TPT1: variants seen among roughly 807,000 people sequenced by gnomAD.
The protein encoded by TPT1 is tumor protein, translationally-controlled 1, also known as translationally-controlled tumor protein.
A neutral mutation model predicts 22.8 loss-of-function variants in TPT1; 5 were observed. That is an observed-to-expected ratio of 0.22 (90% CI 0.11 to 0.46). TPT1 has a LOEUF of 0.46. Among genes scored for constraint, TPT1 ranks in the 20% least tolerant of loss-of-function variants. TPT1 has a pLI of 0.99. For synonymous variants in TPT1, 89 were observed against 73.6 expected (o/e 1.21, Z -1.07); for missense variants, 130 against 218.7 (o/e 0.59, Z 2.56).
At position 45,334,880 on chromosome 13, in the gene TPT1, A is replaced by C. The variant is rs1878574705; in HGVS notation, c.*2506T>G. ...AAAGTGGCCACTTTTTTCCCAGAAC[A>C]CATCACACTCCAGACTAACTGCTGT... On this transcript the variant is annotated 3_prime_UTR_variant, in exon 6 of 6. Transcript: ENST00000530705. The C allele has an allele frequency of 6.6e-6, 1 of 152,092 alleles. No individual in the cohort carries two copies. 9.4% of individuals were successfully genotyped at this position (152,092 alleles called of 1,614,324 possible).
chr13:45,337,218 T>G lies in TPT1; in HGVS notation c.*168A>C. ...TTATTTTTAGACAACCTACATGACA[T>G]GTTTTTCTTAAAAACAATGCCTCCA... On this transcript the variant is annotated 3_prime_UTR_variant, in exon 6 of 6. Transcript: ENST00000530705. 1 of 681,332 alleles carries G rather than the reference T, an allele frequency of 1.5e-6. No individual in the cohort carries two copies. Among genetic ancestry groups the G allele is most frequent in the Non-Finnish European group, 2.5e-6 (1 of 393,524 alleles). 42.2% of individuals were successfully genotyped at this position (681,332 alleles called of 1,614,324 possible).
Position 45,337,185 on chromosome 13 carries a change from A to C in TPT1, c.*201T>G, listed in dbSNP as rs1878756698. On this transcript the variant is annotated 3_prime_UTR_variant, in exon 6 of 6. Coordinates refer to ENST00000530705, the MANE Select transcript of TPT1 (RefSeq NM_003295.4). ...AAAGGCATTCTCTCAAATGAGTTTA[A>C]ATGCATTTTATTTTTAGACAACCTA... is the stretch of plus-strand genomic sequence containing the variant. 1 of 619,266 alleles carries C rather than the reference A, an allele frequency of 1.6e-6. No homozygotes were observed. The highest frequency in any genetic ancestry group is 1.9e-5 in the African/African-American group (1 of 54,038). The allele number at this position is 619,266 out of a possible 1,614,324, so 38.4% of individuals were successfully genotyped here.
chr13:45,340,048 T>G lies in TPT1; in HGVS notation c.239A>C (p.Glu80Ala). Residue 80 changes from glutamate (E) to alanine (A), a missense_variant, in exon 3 of 6, where the codon GAA becomes GCA. Coordinates refer to ENST00000530705, the MANE Select transcript of TPT1 (RefSeq NM_003295.4). ...VDIVMNHHLQETSFTKEAYKK... is the reference protein window; with the variant it reads ...VDIVMNHHLQATSFTKEAYKK... Reference sequence around the variant, plus strand: ...GTAGGCTTCTTTTGTGAAACTTGTTTCCTGCAGGTGATGGTTCATGACAAT... The same window carrying G: ...GTAGGCTTCTTTTGTGAAACTTGTTGCCTGCAGGTGATGGTTCATGACAAT... 6.2e-7 allele frequency: 1 copy of G among 1,614,222 alleles called. No homozygotes were observed. Among genetic ancestry groups the G allele is most frequent in the Non-Finnish European group, 8.5e-7 (1 of 1,180,044 alleles).
intron 2 of TPT1, chr13:45,340,435 T>C (rs1879017962): frequency 5.4e-6 from 4 of 741,380 alleles, no homozygotes; most frequent in Non-Finnish European, 9.5e-6. Context: ...TGCCTCCGGT[T>C]GGTAAGTGGG....
Position 45,341,159 on chromosome 13 carries a change from G to T in TPT1, c.-90C>A, listed in dbSNP as rs1054320395. The stretch of plus-strand genomic sequence containing the variant: ...GCGGTGCAGCCGGAGCGGCGCTCGG[G>T]GGGAGGGGGGAGCGGGCGGAAAAGG... On this transcript the variant is annotated 5_prime_UTR_variant, in exon 1 of 6. Coordinates refer to ENST00000530705, the MANE Select transcript of TPT1 (RefSeq NM_003295.4). The T allele has an allele frequency of 1.3e-5, 21 of 1,559,932 alleles. No homozygotes were observed. Among genetic ancestry groups the T allele is most frequent in the African/African-American group, 1.4e-5 (1 of 73,382 alleles).
Position 45,338,920 on chromosome 13 carries a change from T to C in TPT1, c.400-144A>G, listed in dbSNP as rs1210172173. The C allele has an allele frequency of 1.1e-5, 7 of 632,324 alleles. No individual in the cohort carries two copies. In the Admixed American group the frequency reaches 2.1e-4, roughly 19 times the overall value. The allele number at this position is 632,324 out of a possible 1,614,324, so 39.2% of individuals were successfully genotyped here. A position where few individuals can be genotyped will look rare whatever the true frequency, so the allele number is the denominator to read the frequency against. On this transcript the variant is annotated intron_variant, in intron 4 of 5. Coordinates refer to ENST00000530705, the MANE Select transcript of TPT1 (RefSeq NM_003295.4). ...CAAAAGCTCTGATGCTCACTTATCA[T>C]AGACATCTGTTCACTGGATTAAGGC...
chr13:45,339,685 AAAAAG>A, intron 3 of TPT1, 83 bp from the exon 4 acceptor site: 1 of 1,353,252 alleles, frequency 7.4e-7, no homozygotes. Flanking sequence ...CCAAGCTTAA[AAAAAG>A]AAAACACTGA....
Position 45,341,109 on chromosome 13 carries a change from C to T in TPT1, c.-40G>A. The T allele has an allele frequency of 1.9e-6, 3 of 1,610,416 alleles. No homozygotes were observed. Among genetic ancestry groups the T allele is most frequent in the Non-Finnish European group, 2.5e-6 (3 of 1,178,304 alleles). Reference sequence around the variant, plus strand: ...GGAGACGACGACGGCGCTAGCTTAGCACGAGCCTGAAACTCGGAGCGAGCG... The same window carrying T: ...GGAGACGACGACGGCGCTAGCTTAGTACGAGCCTGAAACTCGGAGCGAGCG... On this transcript the variant is annotated 5_prime_UTR_variant, in exon 1 of 6. Transcript: ENST00000530705.
chr13:45,337,491 C>T (rs749831593), intron 5 of TPT1, 103 bp from the exon 6 acceptor site: 6 of 1,614,092 alleles, frequency 3.7e-6, no homozygotes, highest in Non-Finnish European at 5.1e-6. Flanking sequence ...GATGTATTCC[C>T]CAATTCAATC....
At chr13:45,338,807 G>A in intron 4 of TPT1, 31 bp from the exon 5 acceptor site, 22 of 1,533,256 alleles carry the variant, frequency 1.4e-5, no homozygotes, top group Non-Finnish European at 1.9e-5. Context: ...CCTAGAATTA[G>A]ACTATTACAT....
chr13:45,337,667 C>A, intron 5 of TPT1: 1 of 1,052,182 alleles, frequency 9.5e-7, no homozygotes, highest in Non-Finnish European at 1.5e-6. Flanking sequence ...CATGTACCAC[C>A]CACACCCTGC....
At position 45,335,672 on chromosome 13, in the gene TPT1, T is replaced by C. The variant is rs574211304; in HGVS notation, c.*1714A>G. Reference sequence around the variant, plus strand: ...GCCTCACACCTGTAATCCCAACACTTTAGAAGGCCAAAGCTTGAGATCACT... The same window carrying C: ...GCCTCACACCTGTAATCCCAACACTCTAGAAGGCCAAAGCTTGAGATCACT... On this transcript the variant is annotated 3_prime_UTR_variant, in exon 6 of 6. Transcript: ENST00000530705. 1 of 152,278 alleles carries C rather than the reference T, an allele frequency of 6.6e-6. No individual in the cohort carries two copies. Among genetic ancestry groups the C allele is most frequent in the South Asian group, 2.1e-4 (1 of 4,818 alleles). The allele number at this position is 152,278 out of a possible 1,614,324, so 9.4% of individuals were successfully genotyped here. A position where few individuals can be genotyped will look rare whatever the true frequency, so the allele number is the denominator to read the frequency against.
Position 45,336,394 on chromosome 13 carries a change from G to C in TPT1, c.*992C>G, listed in dbSNP as rs1353847536. ...AGGACATGTTCTTCTTGCATCTGTG[G>C]TGGAAACCATAGCAGCAGATAGCAA... On this transcript the variant is annotated 3_prime_UTR_variant, in exon 6 of 6. Transcript: ENST00000530705. 2 of 152,324 alleles carry C rather than the reference G, an allele frequency of 1.3e-5. No homozygotes were observed. Among genetic ancestry groups the C allele is most frequent in the East Asian group, 3.9e-4 (2 of 5,186 alleles). 9.4% of individuals were successfully genotyped at this position (152,324 alleles called of 1,614,324 possible). A position where few individuals can be genotyped will look rare whatever the true frequency, so the allele number is the denominator to read the frequency against.
In TPT1 at chr13:45,341,169, G is replaced by C. The variant is rs545531097; in HGVS notation, c.-100C>G. ...CGGAGCGGCGCTCGGGGGGAGGGGG[G>C]AGCGGGCGGAAAAGGCCGACTCAGC... On this transcript the variant is annotated 5_prime_UTR_variant, in exon 1 of 6. Coordinates refer to ENST00000530705, the MANE Select transcript of TPT1 (RefSeq NM_003295.4). 2 of 1,533,266 alleles carry C rather than the reference G, an allele frequency of 1.3e-6. No individual in the cohort carries two copies. Among genetic ancestry groups the C allele is most frequent in the South Asian group, 1.2e-5 (1 of 85,950 alleles). 95.0% of individuals were successfully genotyped at this position (1,533,266 alleles called of 1,614,324 possible).
chr13:45,340,981 GC>G, intron 1 of TPT1, 60 bp downstream of exon 1: 1 of 1,472,502 alleles, frequency 6.8e-7, no homozygotes, highest in African/African-American at 1.4e-5. Context: ...CGCCTTCCCC[GC>G]CCCCACCCGC....
chr13:45,340,999 G>C (rs1445973101), intron 1 of TPT1, 43 bp downstream of exon 1: 1 of 1,598,488 alleles, frequency 6.3e-7, no homozygotes, highest in Admixed American at 1.7e-5. Flanking sequence ...CCGCACCCCA[G>C]ACCCCCGTGT....
chr13:45,337,738 G>A (rs899544005), intron 5 of TPT1: 13 of 614,720 alleles, frequency 2.1e-5, no homozygotes, highest in Non-Finnish European at 3.5e-5. Context: ...ATCTTATACT[G>A]TTCTAAGTAA....
chr13:45,340,603 C>G (rs1450224843), intron 2 of TPT1, 109 bp downstream of exon 2: 1 of 1,285,430 alleles, frequency 7.8e-7, no homozygotes, highest in South Asian at 1.3e-5. Flanking sequence ...AAGAGCGTCT[C>G]CTCCGCCAGG....
rs371519525 is a variant in TPT1, at chr13:45,337,435, A to T, written c.517-47T>A. The T allele has an allele frequency of 5.0e-5, 81 of 1,614,180 alleles. No homozygotes were observed. In the African/African-American group the frequency reaches 1.0e-3, roughly 20 times the overall value. On this transcript the variant is annotated intron_variant, in intron 5 of 5. Transcript: ENST00000530705. ...TAATATTTTTCAAACATTACACTGC[A>T]AAAGTTACATTACCATTAACATGCA...
Sources: gnomAD v4.1 joint callset for allele counts on GRCh38, gnomAD v4.1.1 for gene constraint, MANE v1.5 for transcripts, NCBI Gene and HGNC (gene_info 2026-07-23, HGNC 2026-07-21) for gene names.